Variants in COL19A1 observed in about 807,000 individuals in gnomAD.
COL19A1 encodes collagen alpha-1(XIX) chain.
A neutral mutation model predicts 190.2 loss-of-function variants in COL19A1; 159 were observed. The ratio of observed to expected loss-of-function variants is 0.84; its 90% confidence interval spans 0.73 to 0.95. The LOEUF (loss-of-function observed/expected upper bound fraction) is 0.95. Among genes scored for constraint, COL19A1 ranks in the 40% least tolerant of loss-of-function variants. The pLI is 0.00. For synonymous variants in COL19A1, 509 were observed against 458.9 expected (o/e 1.11, Z -1.39); for missense variants, 1,418 against 1,431.9 (o/e 0.99, Z 0.16).
chr6:69,869,020 C>T (rs1767656392), intron 1 of COL19A1, among the ~76,000 whole-genome samples: 1 of 130,040 alleles, frequency 7.7e-6, no homozygotes, highest in Admixed American at 8.3e-5. Flanking sequence ...TAATATATAA[C>T]CCTGAAAAGA....
chr6:69,917,303 T>A (rs1771368065), intron 4 of COL19A1, among the ~76,000 whole-genome samples: 1 of 152,222 alleles, frequency 6.6e-6, no homozygotes, highest in African/African-American at 2.4e-5. Flanking sequence ...TCCTGATGAA[T>A]GTGATATAGC....
intron 7 of COL19A1, among the ~76,000 whole-genome samples, chr6:69,935,159 A>T (rs1277962502): frequency 6.6e-6 from 1 of 152,072 alleles, no homozygotes. Context: ...AGAAGGATGA[A>T]ATCAGTAACA....
intron 18 of COL19A1, among the ~76,000 whole-genome samples, chr6:70,134,436 T>A (rs950977922): frequency 6.6e-6 from 1 of 152,212 alleles, no homozygotes; most frequent in Non-Finnish European, 1.5e-5. Context: ...CACACTAAAC[T>A]TTAAATTTGA....
chr6:70,068,376 G>A, intron 14 of COL19A1, 47 bp from the exon 15 acceptor site: 1 of 1,115,374 alleles, frequency 9.0e-7, no homozygotes, highest in Non-Finnish European at 1.4e-6. Flanking sequence ...TTGTGAGGCA[G>A]GTGTACTTGA....
At chr6:70,157,462 A>C (rs1205899745) in intron 34 of COL19A1, among the ~76,000 whole-genome samples, 1 of 152,166 alleles carries the variant, frequency 6.6e-6, no homozygotes. Context: ...AATGAAAGTA[A>C]GTAAGCCATC....
At chr6:69,899,686 T>G (rs902707617) in intron 3 of COL19A1, among the ~76,000 whole-genome samples, 1 of 152,200 alleles carries the variant, frequency 6.6e-6, no homozygotes, top group African/African-American at 2.4e-5. Flanking sequence ...TCTTTCCTTT[T>G]GGTAATCTTT....
At chr6:70,068,280 T>C in intron 14 of COL19A1, 143 bp from the exon 15 acceptor site, 1 of 643,132 alleles carries the variant, frequency 1.6e-6, no homozygotes, top group East Asian at 2.8e-5. Context: ...TATTAATATA[T>C]TATATAGTTC....
At chr6:69,902,880 G>C (rs970083045) in intron 4 of COL19A1, among the ~76,000 whole-genome samples, 1 of 152,172 alleles carries the variant, frequency 6.6e-6, no homozygotes, top group African/African-American at 2.4e-5. Flanking sequence ...GAGGGTCCAT[G>C]GCCAACACCA....
chr6:70,077,400 C>T (rs997113047), intron 15 of COL19A1, among the ~76,000 whole-genome samples: 1 of 152,064 alleles, frequency 6.6e-6, no homozygotes, highest in African/African-American at 2.4e-5. Context: ...TTGAATTCTT[C>T]AGAAATACCT....
At chr6:69,986,536 A>G (rs1412615162) in intron 11 of COL19A1, among the ~76,000 whole-genome samples, 3 of 152,096 alleles carry the variant, frequency 2.0e-5, no homozygotes, top group Admixed American at 6.5e-5. Context: ...ATTTTAATAA[A>G]CTCTCTTAGA....
At position 70,060,915 on chromosome 6, in the gene COL19A1, C is replaced by T. The variant is rs948694301; in HGVS notation, c.1171-7508C>T. On this transcript the variant is annotated intron_variant, in intron 14 of 50. Coordinates refer to ENST00000620364, the MANE Select transcript of COL19A1 (RefSeq NM_001858.6). The stretch of plus-strand genomic sequence containing the variant: ...TTGGGGACCGATGCTCTAGAGCTCA[C>T]GGTCAACTAAAAGGATAAATGAAGC... Among the ~76,000 whole-genome samples, 11 of 151,998 alleles carry T rather than the reference C, an allele frequency of 7.2e-5. No individual in the cohort carries two copies. In the South Asian group the frequency reaches 8.3e-4, roughly 11 times the overall value.
chr6:69,940,926 G>A (rs1180412501), intron 9 of COL19A1, among the ~76,000 whole-genome samples: 1 of 152,126 alleles, frequency 6.6e-6, no homozygotes, highest in Non-Finnish European at 1.5e-5. Flanking sequence ...CAACTTTAAT[G>A]TGCAATAAAT....
rs374051943 is a variant in COL19A1, at chr6:70,140,926, A to C, written c.1447-28A>C. ...GGAGAGTTTATTTCTAAGAGCGTTTAATTCTATTTTCTACCCCTTCTCCTT... is the reference window on the plus strand; with the variant it reads ...GGAGAGTTTATTTCTAAGAGCGTTTCATTCTATTTTCTACCCCTTCTCCTT... On this transcript the variant is annotated intron_variant, in intron 19 of 50. Transcript: ENST00000620364. The C allele has an allele frequency of 3.3e-5, 53 of 1,607,776 alleles. No individual in the cohort carries two copies. In the African/African-American group the frequency reaches 6.7e-4, roughly 20 times the overall value.
chr6:70,009,244 T>C (rs953336775), intron 11 of COL19A1, among the ~76,000 whole-genome samples: 8 of 152,058 alleles, frequency 5.3e-5, no homozygotes, highest in African/African-American at 7.2e-5. Flanking sequence ...TAATCTTATA[T>C]GTAAAAAATT....
intron 14 of COL19A1, among the ~76,000 whole-genome samples, chr6:70,059,581 C>T (rs891210270): frequency 1.3e-5 from 2 of 152,192 alleles, no homozygotes; most frequent in African/African-American, 2.4e-5. Context: ...ATTGTAATAG[C>T]TATCCACTGG....
At position 69,960,299 on chromosome 6, in the gene COL19A1, G is replaced by A. The variant is rs536680246; in HGVS notation, c.981+259G>A. On this transcript the variant is annotated intron_variant, in intron 10 of 50. Coordinates refer to ENST00000620364, the MANE Select transcript of COL19A1 (RefSeq NM_001858.6). ...ATGGTAGTAGTGCTTTCTGGGGTCC[G>A]TGATAGCTGCTCTGGAAACGTTTCT... Among the ~76,000 whole-genome samples, 13 of 152,274 alleles carry A rather than the reference G, an allele frequency of 8.5e-5. No individual in the cohort carries two copies. In the South Asian group the frequency reaches 1.4e-3, roughly 17 times the overall value.
Position 70,144,262 on chromosome 6 carries a change from A to T in COL19A1, c.1679A>T (p.Lys560Met). The change falls in exon 24 of 51, where the codon AAG becomes ATG. Residue 560 changes from lysine to methionine, a missense_variant and splice_region_variant. Transcript: ENST00000620364. ...IPGKQGIKGE[K>M]GDPGGIIGPP... Reference sequence around the variant, plus strand: ...GGAAAACAAGGCATTAAAGGAGAAAAGGTATAGTTTACATTTTCCTCATTT... The same window carrying T: ...GGAAAACAAGGCATTAAAGGAGAAATGGTATAGTTTACATTTTCCTCATTT... The T allele has an allele frequency of 6.2e-7, 1 of 1,611,734 alleles. No homozygotes were observed. Among genetic ancestry groups the T allele is most frequent in the Non-Finnish European group, 8.5e-7 (1 of 1,178,350 alleles).
At chr6:70,117,016 G>T (rs1384146085) in intron 16 of COL19A1, among the ~76,000 whole-genome samples, 1 of 152,200 alleles carries the variant, frequency 6.6e-6, no homozygotes, top group Non-Finnish European at 1.5e-5. Context: ...TCAGTCAACA[G>T]AGATGAAGAG....
At chr6:70,145,346 A>T (rs990569084) in intron 25 of COL19A1, among the ~76,000 whole-genome samples, 3 of 152,172 alleles carry the variant, frequency 2.0e-5, no homozygotes, top group Non-Finnish European at 2.9e-5. Flanking sequence ...ATGCAGCCAT[A>T]AAAAGGACAA....
Sources: allele counts gnomAD v4.1 joint callset (sites outside exome capture counted in the v4.1 genomes callset), GRCh38; gene constraint gnomAD v4.1.1; transcripts MANE v1.5; gene names NCBI Gene and HGNC (gene_info 2026-07-23, HGNC 2026-07-21).